GSN: variants seen among roughly 807,000 people sequenced by gnomAD.
GSN encodes gelsolin.
GSN carries 56 observed loss-of-function variants against 85.7 expected under a neutral mutation model. The ratio of observed to expected loss-of-function variants is 0.65; its 90% confidence interval spans 0.53 to 0.82. The LOEUF (loss-of-function observed/expected upper bound fraction) is 0.82. Ranked by LOEUF, GSN falls within the 40% of genes least tolerant of loss-of-function variation. GSN has a pLI of 0.00. For missense variants in GSN, 857 were observed against 979.8 expected (o/e 0.87, Z 1.67); for synonymous variants, 373 against 399.1 (o/e 0.93, Z 0.78).
At chr9:121,207,100 A>C (rs1430067038), upstream of GSN, among the ~76,000 whole-genome samples, 1 of 152,218 alleles carries the variant, frequency 6.6e-6, no homozygotes, top group Non-Finnish European at 1.5e-5. Context: ...GACTTTGTAC[A>C]TTTAGTTGAA....
intron 16 of GSN, among the ~76,000 whole-genome samples, 191 bp from the exon 17 acceptor site, chr9:121,331,197 G>A (rs2063847102): frequency 6.6e-6 from 1 of 152,198 alleles, no homozygotes; most frequent in South Asian, 2.1e-4. Flanking sequence ...TGGTGGGTGA[G>A]CAAACAAAAC....
At chr9:121,232,615 G>A (rs1033335528) in intron 5 of GSN, among the ~76,000 whole-genome samples, 7 of 152,308 alleles carry the variant, frequency 4.6e-5, no homozygotes, top group African/African-American at 1.4e-4. Flanking sequence ...TCAAGTGTAC[G>A]ATATGGTATC....
intron 6 of GSN, among the ~76,000 whole-genome samples, chr9:121,252,456 G>A (rs894062125): frequency 1.1e-4 from 16 of 152,178 alleles, no homozygotes; most frequent in South Asian, 2.1e-4. Context: ...TACATATGAC[G>A]GAGACATTTA....
chr9:121,263,452 G>A (rs2055129137), upstream of GSN, among the ~76,000 whole-genome samples: 2 of 152,154 alleles, frequency 1.3e-5, no homozygotes, highest in African/African-American at 4.8e-5. Context: ...AATTTATGAA[G>A]GAAAGAGGTT....
chr9:121,247,697 A>G (rs570829716), intron 5 of GSN, among the ~76,000 whole-genome samples: 1 of 152,312 alleles, frequency 6.6e-6, no homozygotes, highest in East Asian at 1.9e-4. Context: ...CCAAGATTTA[A>G]AATAAGTACA....
chr9:121,299,629 T>C lies in GSN; in HGVS notation c.-9-2334T>C. 1 of 469,630 alleles carries C rather than the reference T, an allele frequency of 2.1e-6. No homozygotes were observed. The allele number at this position is 469,630 out of a possible 1,614,324, so 29.1% of individuals were successfully genotyped here. A position where few individuals can be genotyped will look rare whatever the true frequency, so the allele number is the denominator to read the frequency against. On this transcript the variant is annotated intron_variant, in intron 2 of 17. Coordinates refer to ENST00000432226, the MANE Select transcript of GSN (RefSeq NM_198252.3). The surrounding 1 kb of genome is among the most constrained non-coding windows in gnomAD (Gnocchi z 4.2). Reference sequence around the variant, plus strand: ...GTGTGCACACAGCTAGCGCCCGCCGTATGTCAGGCCTGGTGCTGGGTCTCC... The same window carrying C: ...GTGTGCACACAGCTAGCGCCCGCCGCATGTCAGGCCTGGTGCTGGGTCTCC...
intron 12 of GSN, among the ~76,000 whole-genome samples, chr9:121,325,491 G>A (rs1054744920): frequency 6.6e-6 from 1 of 152,200 alleles, no homozygotes; most frequent in Non-Finnish European, 1.5e-5. Context: ...CCATAGTGAC[G>A]ATGTTGACCT....
upstream of GSN, among the ~76,000 whole-genome samples, chr9:121,205,668 G>A (rs944683813): frequency 8.5e-5 from 13 of 152,136 alleles, no homozygotes; most frequent in African/African-American, 3.1e-4. Flanking sequence ...ACCATCTGCT[G>A]GAAGATATAG....
chr9:121,329,354 G>T lies in GSN; in HGVS notation c.1965+39G>T. On this transcript the variant is annotated intron_variant, in intron 16 of 17. Coordinates refer to ENST00000432226, the MANE Select transcript of GSN (RefSeq NM_198252.3). The surrounding 1 kb of genome is among the most constrained non-coding windows in gnomAD (Gnocchi z 4.6). Reference sequence around the variant, plus strand: ...AGGTGAAGGCTCTCTGTGCCAGAGGGAGTGGGAGAAACTAGACTTCCAGTT... The same window carrying T: ...AGGTGAAGGCTCTCTGTGCCAGAGGTAGTGGGAGAAACTAGACTTCCAGTT... 2 of 1,198,898 alleles carry T rather than the reference G, an allele frequency of 1.7e-6. No individual in the cohort carries two copies. The highest frequency in any genetic ancestry group is 2.4e-5 in the South Asian group (2 of 82,820). The allele number at this position is 1,198,898 out of a possible 1,614,324, so 74.3% of individuals were successfully genotyped here.
At chr9:121,221,454 A>G (rs986066415) in intron 4 of GSN, among the ~76,000 whole-genome samples, 1 of 152,226 alleles carries the variant, frequency 6.6e-6, no homozygotes, top group African/African-American at 2.4e-5. Context: ...GACTTTCTAC[A>G]GTGCAGCTTT....
intron 11 of GSN, 47 bp downstream of exon 11, chr9:121,321,448 G>C: frequency 6.3e-7 from 1 of 1,596,796 alleles, no homozygotes; most frequent in Middle Eastern, 1.7e-4. Context: ...TACTGGCTGG[G>C]CCCTGAGCAG....
At chr9:121,320,923 T>A (rs1482014649) in intron 10 of GSN, among the ~76,000 whole-genome samples, 12 of 152,134 alleles carry the variant, frequency 7.9e-5, no homozygotes, top group Non-Finnish European at 1.8e-4. Flanking sequence ...TGAGGTCTCA[T>A]GGCCCGGAAG....
At chr9:121,224,872 G>A (rs1162599856) in intron 4 of GSN, among the ~76,000 whole-genome samples, 2 of 152,124 alleles carry the variant, frequency 1.3e-5, no homozygotes, top group Admixed American at 6.5e-5. Flanking sequence ...AAGCTGGAGT[G>A]CAGCAGCACA....
chr9:121,294,546 G>A lies in GSN; in HGVS notation c.-9-7417G>A, dbSNP rs538842798. ...CCCAGCACTAGGTGGGGCTGGCTCC[G>A]GAAGCTGGGAAAGGACCATGGCTTT... On this transcript the variant is annotated intron_variant, in intron 2 of 17. Coordinates refer to ENST00000432226, the MANE Select transcript of GSN (RefSeq NM_198252.3). Among the ~76,000 whole-genome samples the A allele has an allele frequency of 2.6e-4, 40 of 152,330 alleles. 2 individuals are homozygous for A. Among genetic ancestry groups the A allele is most frequent in the African/African-American group, 3.1e-4 (13 of 41,586 alleles).
Position 121,259,222 on chromosome 9 carries a change from G to A in GSN, c.-340-5932G>A, listed in dbSNP as rs549580388. 2.0e-5 allele frequency among the ~76,000 whole-genome samples: 3 copies of A among 152,280 alleles called. No homozygotes were observed. The South Asian group carries it at 6.2e-4, about 32-fold the overall frequency. Reference sequence around the variant, plus strand: ...GGGAGATGGTAAACAACCCAGTAATGAAATCATTACAAATAACCATCACTT... The same window carrying A: ...GGGAGATGGTAAACAACCCAGTAATAAAATCATTACAAATAACCATCACTT... On this transcript the variant is annotated intron_variant, in intron 6 of 24. Coordinates refer to the GSN transcript ENST00000373823.
intron 13 of GSN, 76 bp downstream of exon 13, chr9:121,326,758 C>G: frequency 7.9e-7 from 1 of 1,270,874 alleles, no homozygotes; most frequent in Non-Finnish European, 1.2e-6. Context: ...GATCTCCAGG[C>G]ACAGGAACGG....
chr9:121,218,678 G>GA (rs982391596), intron 4 of GSN, among the ~76,000 whole-genome samples: 6 of 152,060 alleles, frequency 3.9e-5, no homozygotes, highest in African/African-American at 1.2e-4. Flanking sequence ...AAGCTAATTT[G>GA]AAAAAAAGAC....
intron 17 of GSN, 104 bp downstream of exon 17, chr9:121,331,552 T>A (rs1300726171): frequency 1.4e-6 from 1 of 727,882 alleles, no homozygotes; most frequent in Non-Finnish European, 2.5e-6. Flanking sequence ...TCCAGGGGAC[T>A]GATGGACAAG....
chr9:121,321,230 G>A lies in GSN; in HGVS notation c.1192-38G>A, dbSNP rs766163263. The stretch of plus-strand genomic sequence containing the variant: ...GGCTTGCCTGAGCTGGGGGGTGGGG[G>A]TGCTGCACAGCATCTGACTCCAGCT... On this transcript the variant is annotated intron_variant, in intron 10 of 17. Transcript: ENST00000432226. The A allele has an allele frequency of 4.6e-5, 74 of 1,611,478 alleles. No individual in the cohort carries two copies. In the South Asian group the frequency reaches 8.1e-4, roughly 18 times the overall value.
Sources: gnomAD v4.1 joint callset for allele counts (sites outside exome capture counted in the v4.1 genomes callset) on GRCh38, gnomAD v4.1.1 for gene constraint, Gnocchi (gnomAD v3.1) non-coding constraint, MANE v1.5 for transcripts, NCBI Gene and HGNC (gene_info 2026-07-23, HGNC 2026-07-21) for gene names.